The following HORMAD2 variants were observed in gnomAD, a reference collection of about 807,000 sequenced individuals.
The protein encoded by HORMAD2 is HORMA domain containing 2, also known as HORMA domain-containing protein 2.
A neutral mutation model predicts 38.8 loss-of-function variants in HORMAD2; 45 were observed. That is an observed-to-expected ratio of 1.16 (90% CI 0.91 to 1.49). The LOEUF (loss-of-function observed/expected upper bound fraction) is 1.49. Ranked by LOEUF, HORMAD2 falls within the 40% of genes most tolerant of loss-of-function variation. The pLI is 0.00. For synonymous variants in HORMAD2, 126 were observed against 122.8 expected (o/e 1.03, Z -0.17); for missense variants, 338 against 367.0 (o/e 0.92, Z 0.65).
At chr22:30,147,913 C>G (rs1924517527) in intron 10 of HORMAD2, among the ~76,000 whole-genome samples, 1 of 152,040 alleles carries the variant, frequency 6.6e-6, no homozygotes, top group Non-Finnish European at 1.5e-5. Flanking sequence ...AGTTCAAGAC[C>G]AGTGCATTGG....
chr22:30,140,607 AT>A (rs1373609599), intron 10 of HORMAD2, among the ~76,000 whole-genome samples: 16 of 152,116 alleles, frequency 1.1e-4, no homozygotes, highest in Admixed American at 7.9e-4. Flanking sequence ...AATGCTTTTT[AT>A]TTTTGTAAGG....
intron 7 of HORMAD2, among the ~76,000 whole-genome samples, chr22:30,114,149 T>C (rs1357705587): frequency 1.3e-5 from 2 of 152,186 alleles, no homozygotes; most frequent in East Asian, 3.8e-4. Flanking sequence ...CAGGCATATA[T>C]AATAATGAAG....
chr22:30,140,270 A>C (rs1345573809), intron 10 of HORMAD2, among the ~76,000 whole-genome samples: 1 of 149,964 alleles, frequency 6.7e-6, no homozygotes, highest in Non-Finnish European at 1.5e-5. Flanking sequence ...TCAAAAAAAT[A>C]AAAAAGAAAA....
intron 1 of HORMAD2, among the ~76,000 whole-genome samples, chr22:30,091,767 G>A (rs2059818134): frequency 6.6e-6 from 1 of 152,134 alleles, no homozygotes; most frequent in African/African-American, 2.4e-5. Flanking sequence ...CTTCCATACT[G>A]TTTTCCATAA....
intron 3 of HORMAD2, among the ~76,000 whole-genome samples, chr22:30,100,532 C>G (rs1393170779): frequency 6.6e-6 from 1 of 152,162 alleles, no homozygotes. Context: ...TGGGCAAAGA[C>G]TTCATGACTA....
At position 30,121,360 on chromosome 22, in the gene HORMAD2, G is replaced by A. The variant is rs528778520; in HGVS notation, c.411-272G>A. On this transcript the variant is annotated intron_variant, in intron 8 of 10. Coordinates refer to ENST00000336726, the MANE Select transcript of HORMAD2 (RefSeq NM_152510.4). ...TGCCAGGTCACCTAATTCCAAATTC[G>A]TTGTTCTTACTGTTGTGGTATATGA... 7.2e-5 allele frequency among the ~76,000 whole-genome samples: 11 copies of A among 152,202 alleles called. No homozygotes were observed. In the South Asian group the frequency reaches 1.0e-3, roughly 14 times the overall value.
chr22:30,177,369 C>T (rs1242468580), downstream of HORMAD2, among the ~76,000 whole-genome samples: 4 of 152,176 alleles, frequency 2.6e-5, no homozygotes, highest in African/African-American at 9.7e-5. Flanking sequence ...TCAGCACTGC[C>T]CCTTGCCAGA....
intron 10 of HORMAD2, among the ~76,000 whole-genome samples, chr22:30,139,955 C>CTGTGTGTG (rs36099958): frequency 6.7e-5 from 10 of 150,152 alleles, no homozygotes; most frequent in African/African-American, 2.2e-4. Context: ...GTACGTGTAT[C>CTGTGTGTG]TGTGTGTGTG....
At chr22:30,127,980 T>C (rs1923002706) in intron 10 of HORMAD2, among the ~76,000 whole-genome samples, 1 of 152,238 alleles carries the variant, frequency 6.6e-6, no homozygotes. Flanking sequence ...GATGTCATCA[T>C]TGCTTTCTTG....
At chr22:30,164,538 C>A (rs977913314) in intron 10 of HORMAD2, among the ~76,000 whole-genome samples, 27 of 152,184 alleles carry the variant, frequency 1.8e-4, no homozygotes, top group African/African-American at 6.5e-4. Flanking sequence ...TAATTTGCAT[C>A]TCTGATGATA....
At chr22:30,130,820 A>G (rs1923230302) in intron 10 of HORMAD2, among the ~76,000 whole-genome samples, 1 of 151,564 alleles carries the variant, frequency 6.6e-6, no homozygotes, top group South Asian at 2.1e-4. Flanking sequence ...CCAACTCCTG[A>G]GCTCAAGCAA....
chr22:30,111,166 A>AAAAG (rs1233025268), intron 5 of HORMAD2, among the ~76,000 whole-genome samples: 127 of 150,764 alleles, frequency 8.4e-4, no homozygotes, highest in East Asian at 4.3e-3. Context: ...AAAAAAAAAA[A>AAAAG]AAAGAAAGAA....
chr22:30,097,599 T>C (rs1343869615), intron 2 of HORMAD2, among the ~76,000 whole-genome samples: 2 of 152,082 alleles, frequency 1.3e-5, no homozygotes, highest in Non-Finnish European at 2.9e-5. Flanking sequence ...TAGCCACAAT[T>C]CCACATAGCT....
At chr22:30,095,163 T>G (rs2068760016) in intron 2 of HORMAD2, among the ~76,000 whole-genome samples, 1 of 152,174 alleles carries the variant, frequency 6.6e-6, no homozygotes, top group Non-Finnish European at 1.5e-5. Context: ...ATGTGTTGCA[T>G]GTATGGTGTT....
intron 6 of HORMAD2, among the ~76,000 whole-genome samples, chr22:30,112,211 G>A (rs1235389250): frequency 1.3e-5 from 2 of 151,914 alleles, no homozygotes; most frequent in African/African-American, 4.8e-5. Context: ...TTAGATCTAT[G>A]ATTTATTGAA....
At chr22:30,156,124 T>C (rs983629476) in intron 10 of HORMAD2, among the ~76,000 whole-genome samples, 3 of 152,194 alleles carry the variant, frequency 2.0e-5, no homozygotes, top group African/African-American at 7.2e-5. Context: ...GCCCTCCACA[T>C]GGTTGCCCTC....
At chr22:30,182,313 A>G in the HORMAD2 span, among the ~76,000 whole-genome samples, 1 of 152,232 alleles carries the variant, frequency 6.6e-6, no homozygotes, top group Non-Finnish European at 1.5e-5. Flanking sequence ...TAGAAAGTTA[A>G]TGTTCAATAA....
intron 5 of HORMAD2, among the ~76,000 whole-genome samples, chr22:30,110,755 C>T (rs531440000): frequency 5.5e-4 from 83 of 152,174 alleles, no homozygotes; most frequent in Non-Finnish European, 1.0e-3. Context: ...GACCTTTGAA[C>T]AACATGGGTT....
intron 2 of HORMAD2, among the ~76,000 whole-genome samples, chr22:30,096,454 G>A (rs555806350): frequency 2.0e-5 from 3 of 151,328 alleles, no homozygotes; most frequent in South Asian, 2.1e-4. Context: ...AGCCATTTTG[G>A]TGGGTGTGTA....
Sources: allele counts gnomAD v4.1 joint callset (sites outside exome capture counted in the v4.1 genomes callset), GRCh38; gene constraint gnomAD v4.1.1; transcripts MANE v1.5; gene names NCBI Gene and HGNC (gene_info 2026-07-23, HGNC 2026-07-21).